YAP1: variants seen among roughly 807,000 people sequenced by gnomAD.
The protein encoded by YAP1 is transcriptional coactivator YAP1.
A neutral mutation model predicts 56.9 loss-of-function variants in YAP1; 5 were observed. The ratio of observed to expected loss-of-function variants is 0.09; its 90% CI spans 0.05 to 0.18. YAP1 has a LOEUF of 0.18. Ranked by LOEUF, YAP1 falls within the 10% of genes least tolerant of loss-of-function variation. The probability of loss-of-function intolerance (pLI) is 1.00; values close to 1 mark genes in which losing one functional copy is unlikely to be tolerated. For missense variants in YAP1, 539 were observed against 651.8 expected (o/e 0.83, Z 1.88); for synonymous variants, 265 against 248.1 (o/e 1.07, Z -0.64).
intron 6 of YAP1, among the ~76,000 whole-genome samples, chr11:102,222,120 C>G (rs1056609072): frequency 6.6e-6 from 1 of 152,086 alleles, no homozygotes; most frequent in Non-Finnish European, 1.5e-5. Context: ...CAGCGTAGAG[C>G]TAGGAGAAGC....
At chr11:102,157,813 A>C (rs934878039) in intron 2 of YAP1, among the ~76,000 whole-genome samples, 1 of 152,192 alleles carries the variant, frequency 6.6e-6, no homozygotes, top group Non-Finnish European at 1.5e-5. Flanking sequence ...TCAGTGTCTG[A>C]GCAGGTCACT....
intron 4 of YAP1, among the ~76,000 whole-genome samples, chr11:102,193,967 C>T (rs1395534868): frequency 2.0e-5 from 3 of 151,644 alleles, no homozygotes; most frequent in Admixed American, 6.6e-5. Flanking sequence ...CCACCGTGCC[C>T]GGCTAATTTT....
At chr11:102,211,043 C>T (rs1949381551) in intron 6 of YAP1, among the ~76,000 whole-genome samples, 1 of 152,176 alleles carries the variant, frequency 6.6e-6, no homozygotes, top group Non-Finnish European at 1.5e-5. Flanking sequence ...GCGTGAGCCA[C>T]CACGTCTGGC....
chr11:102,227,172 G>T, intron 7 of YAP1: 1 of 275,880 alleles, frequency 3.6e-6, no homozygotes, highest in Non-Finnish European at 6.9e-6. Context: ...TGTCAGCCAG[G>T]AAAACTAACT....
chr11:102,142,371 A>G (rs1004767463), intron 2 of YAP1, among the ~76,000 whole-genome samples: 2 of 152,248 alleles, frequency 1.3e-5, no homozygotes, highest in African/African-American at 4.8e-5. Context: ...AGAAAATGCT[A>G]ACATATCACA....
intron 6 of YAP1, among the ~76,000 whole-genome samples, chr11:102,218,045 C>T (rs757906101): frequency 1.8e-4 from 28 of 152,122 alleles, no homozygotes; most frequent in Admixed American, 7.9e-4. Context: ...CAGGTGTACA[C>T]ACATGTCAAA....
At chr11:102,168,970 G>A (rs559402401) in intron 3 of YAP1, among the ~76,000 whole-genome samples, 59 of 152,296 alleles carry the variant, frequency 3.9e-4, no homozygotes, top group Non-Finnish European at 7.3e-4. Flanking sequence ...TGCTTTATGT[G>A]CTGTAATTCA....
At chr11:102,181,563 A>G (rs1947626838) in intron 3 of YAP1, among the ~76,000 whole-genome samples, 2 of 152,228 alleles carry the variant, frequency 1.3e-5, no homozygotes, top group African/African-American at 4.8e-5. Flanking sequence ...CAAATGTGAA[A>G]TGAATTTTGG....
chr11:102,222,810 T>C (rs1400035389), intron 6 of YAP1, among the ~76,000 whole-genome samples: 2 of 150,928 alleles, frequency 1.3e-5, no homozygotes, highest in Non-Finnish European at 1.5e-5. Context: ...GTGTTGGGGG[T>C]TGGGGAAGGA....
chr11:102,139,461 A>G (rs933962782), intron 2 of YAP1, among the ~76,000 whole-genome samples: 11 of 152,216 alleles, frequency 7.2e-5, no homozygotes, highest in East Asian at 1.9e-4. Flanking sequence ...ACTGCTGTGC[A>G]AAGTTTTCCC....
intron 2 of YAP1, among the ~76,000 whole-genome samples, chr11:102,137,480 G>T (rs1290408442): frequency 6.6e-6 from 1 of 152,134 alleles, no homozygotes; most frequent in Non-Finnish European, 1.5e-5. Context: ...TAGAATTTAG[G>T]TGATGGGTAT....
At chr11:102,217,228 A>C (rs1458482205) in intron 6 of YAP1, among the ~76,000 whole-genome samples, 1 of 152,214 alleles carries the variant, frequency 6.6e-6, no homozygotes, top group East Asian at 1.9e-4. Flanking sequence ...AAGATTATGT[A>C]GTTTTGAAAG....
At position 102,206,069 on chromosome 11, in the gene YAP1, C is replaced by T. The variant is rs768834182; in HGVS notation, c.979C>T (p.Arg327Trp). Residue 327 changes from arginine (R) to tryptophan (W), a missense_variant, in exon 5 of 9, where the codon CGG (arginine) becomes TGG (tryptophan). This residue lies in a region of YAP1 where 414 missense variants were observed against 512.4 expected (regional missense o/e 0.81). Transcript: ENST00000282441. ...RLRLKQQELL[R>W]QAMRNINPST... ...GCGGCTGAAACAGCAAGAACTGCTT[C>T]GGCAGGTGAGGCCACAGGTTAGAAA... 1.1e-5 allele frequency: 17 copies of T among 1,612,954 alleles called. No homozygotes were observed. Among genetic ancestry groups the T allele is most frequent in the East Asian group, 4.5e-5 (2 of 44,884 alleles).
intron 6 of YAP1, among the ~76,000 whole-genome samples, chr11:102,210,257 C>T (rs1949332912): frequency 6.6e-6 from 1 of 152,318 alleles, no homozygotes; most frequent in South Asian, 2.1e-4. Context: ...TTGAGGTCCA[C>T]AAGATTAGAA....
intron 2 of YAP1, among the ~76,000 whole-genome samples, chr11:102,132,725 A>G (rs781259342): frequency 6.6e-6 from 1 of 152,256 alleles, no homozygotes; most frequent in Non-Finnish European, 1.5e-5. Flanking sequence ...GTTTACCAAT[A>G]AATTTATTAG....
chr11:102,129,889 G>A (rs567763556), intron 2 of YAP1, among the ~76,000 whole-genome samples: 6 of 138,048 alleles, frequency 4.3e-5, no homozygotes, highest in African/African-American at 1.1e-4. Flanking sequence ...TGCAACCTCC[G>A]CCTCCGCCTC....
At chr11:102,185,971 TG>T (rs1368613695) in intron 3 of YAP1, 46 bp from the exon 4 acceptor site, 6 of 1,509,888 alleles carry the variant, frequency 4.0e-6, no homozygotes, top group Non-Finnish European at 4.4e-6. Context: ...TTTTTTTAGG[TG>T]CACCAAATAA....
chr11:102,117,569 A>G (rs1448187691), intron 2 of YAP1, among the ~76,000 whole-genome samples: 1 of 152,158 alleles, frequency 6.6e-6, no homozygotes, highest in Admixed American at 6.5e-5. Context: ...CCTATCATCT[A>G]GTTTCCAGGC....
intron 2 of YAP1, among the ~76,000 whole-genome samples, chr11:102,159,224 A>G (rs1946126588): frequency 6.6e-6 from 1 of 151,802 alleles, no homozygotes; most frequent in South Asian, 2.1e-4. Context: ...GTGTTTATTG[A>G]CAGGTTGTGG....
Sources: gnomAD v4.1 joint callset for allele counts (sites outside exome capture counted in the v4.1 genomes callset) on GRCh38, gnomAD v4.1.1 for gene constraint, gnomAD v4.1.1 regional missense constraint, MANE v1.5 for transcripts, NCBI Gene and HGNC (gene_info 2026-07-23, HGNC 2026-07-21) for gene names.